The following KSR1 variants were observed in gnomAD, a reference collection of about 807,000 sequenced individuals.
The protein encoded by KSR1 is kinase suppressor of ras 1.
In KSR1, 35 loss-of-function variants were observed where a neutral mutation model predicts 92.9. That is an observed-to-expected ratio of 0.38 (90% CI 0.29 to 0.50). The LOEUF is 0.50. Ranked by LOEUF, KSR1 falls within the 20% of genes least tolerant of loss-of-function variation. The pLI, the probability that KSR1 is intolerant of heterozygous loss-of-function variation, is 0.94. For synonymous variants in KSR1, 467 were observed against 472.6 expected (o/e 0.99, Z 0.15); for missense variants, 972 against 1,158.5 (o/e 0.84, Z 2.34).
intron 1 of KSR1, among the ~76,000 whole-genome samples, chr17:27,532,215 C>T (rs1243800804): frequency 4.6e-5 from 7 of 152,224 alleles, no homozygotes; most frequent in African/African-American, 1.4e-4. Context: ...CACTGGTTGA[C>T]GTGGTCCTTA....
In KSR1 at chr17:27,554,733, C is replaced by A. The variant is rs531067585; in HGVS notation, c.372+4025C>A. On this transcript the variant is annotated intron_variant, in intron 2 of 20. Transcript: ENST00000644974. ...ATGATAAATGTAATGCACTTTAATC[C>A]TCTGGAAACCATCCCCCGCTCCCTG... is the stretch of plus-strand genomic sequence containing the variant. Among the ~76,000 whole-genome samples, 43 of 152,266 alleles carry A rather than the reference C, an allele frequency of 2.8e-4. No homozygotes were observed. In the South Asian group the frequency reaches 8.5e-3, roughly 30 times the overall value.
In KSR1 at chr17:27,592,423, G is replaced by A. The variant is rs749950611; in HGVS notation, c.1192+1G>A. ...GCCTGTAGAATATCCTTCCTGCCAC[G>A]TGAGTTTTCTGCCTTCCTCTCCTCT... On this transcript the variant is annotated splice_donor_variant, in intron 8 of 20. Transcript: ENST00000644974. LOFTEE classifies it high-confidence loss of function. The A allele has an allele frequency of 1.2e-6, 2 of 1,613,876 alleles. No homozygotes were observed. Among genetic ancestry groups the A allele is most frequent in the Non-Finnish European group, 8.5e-7 (1 of 1,179,782 alleles).
At chr17:27,584,752 C>A (rs1162206342) in intron 4 of KSR1, among the ~76,000 whole-genome samples, 1 of 152,166 alleles carries the variant, frequency 6.6e-6, no homozygotes, top group Non-Finnish European at 1.5e-5. Context: ...GCTCAGGCCA[C>A]CTCGCTGTTC....
At position 27,577,518 on chromosome 17, in the gene KSR1, T is replaced by C. The variant is rs1433251995; in HGVS notation, c.399T>C (p.Asp133=). Residue 133 remains aspartate, a synonymous_variant, in exon 3 of 21, where the codon GAT becomes GAC. Transcript: ENST00000644974. This position sits in a 1 kb window ranked among gnomAD's most constrained non-coding sequence, Gnocchi z 4.5. ...AGATCCCCCGAGACCTCACGCTGGA[T>C]GCCCTGCTGGAGATGAATGAGGCCA... ...VQEIPRDLTL[D]ALLEMNEAKV... 6.3e-7 allele frequency: 1 copy of C among 1,596,742 alleles called. No homozygotes were observed. Among genetic ancestry groups the C allele is most frequent in the South Asian group, 1.1e-5 (1 of 88,448 alleles).
At chr17:27,546,285 A>T (rs869671) in intron 1 of KSR1, among the ~76,000 whole-genome samples, 1 of 151,968 alleles carries the variant, frequency 6.6e-6, no homozygotes, top group African/African-American at 2.4e-5. Context: ...AATTATAGGG[A>T]GATCTAACCT....
intron 1 of KSR1, among the ~76,000 whole-genome samples, chr17:27,511,600 A>G (rs974031714): frequency 6.6e-6 from 1 of 152,158 alleles, no homozygotes; most frequent in Admixed American, 6.5e-5. Flanking sequence ...TGGGAGTGGG[A>G]TGCTTCTGGG....
In KSR1 at chr17:27,588,379, C is replaced by T. The variant is rs941405084; in HGVS notation, c.986-96C>T. 3.8e-6 allele frequency: 4 copies of T among 1,041,614 alleles called. No homozygotes were observed. In the South Asian group the frequency reaches 6.9e-5, roughly 18 times the overall value. 64.5% of individuals were successfully genotyped at this position (1,041,614 alleles called of 1,614,324 possible). ...TGCTTATATAATAAACCATTGCGCC[C>T]CCCTCTAGCCTGTGGTCTCTGAATT... On this transcript the variant is annotated intron_variant, in intron 5 of 20. Transcript: ENST00000644974.
intron 19 of KSR1, among the ~76,000 whole-genome samples, chr17:27,619,915 T>A (rs979673815): frequency 1.1e-4 from 17 of 152,212 alleles, no homozygotes; most frequent in Admixed American, 1.1e-3. Flanking sequence ...GGTTTCATCA[T>A]GTTGGCCAGG....
intron 1 of KSR1, among the ~76,000 whole-genome samples, chr17:27,544,862 T>C (rs2151075250): frequency 6.6e-6 from 1 of 152,384 alleles, no homozygotes; most frequent in Non-Finnish European, 1.5e-5. Flanking sequence ...CTTCTGTGAC[T>C]GCAACCAACT....
At chr17:27,612,068 A>G (rs531353382) in intron 18 of KSR1, among the ~76,000 whole-genome samples, 1 of 152,348 alleles carries the variant, frequency 6.6e-6, no homozygotes, top group South Asian at 2.1e-4. Flanking sequence ...CAAAGTTTCC[A>G]CAGCAAACTT....
Position 27,588,455 on chromosome 17 carries a change from T to C in KSR1, c.986-20T>C, listed in dbSNP as rs2073050508. ...CCTGCGGAGTTCCTCAGCCTGCCCA[T>C]CCGGCCTCTTTCCCTGCAGATCTCT... On this transcript the variant is annotated intron_variant, in intron 5 of 20. Coordinates refer to ENST00000644974, the MANE Select transcript of KSR1 (RefSeq NM_001394583.1). The C allele has an allele frequency of 1.3e-6, 2 of 1,562,912 alleles. No homozygotes were observed. The highest frequency in any genetic ancestry group is 1.7e-6 in the Non-Finnish European group (2 of 1,153,866).
intron 1 of KSR1, among the ~76,000 whole-genome samples, chr17:27,543,044 G>A (rs1255494101): frequency 2.6e-5 from 4 of 152,212 alleles, no homozygotes; most frequent in Admixed American, 6.5e-5. Flanking sequence ...AACAGGAGGC[G>A]TGGCTCATCT....
chr17:27,529,942 G>A (rs754816231), intron 1 of KSR1, among the ~76,000 whole-genome samples: 13 of 152,114 alleles, frequency 8.5e-5, no homozygotes, highest in Non-Finnish European at 1.3e-4. Flanking sequence ...TAGGAGATGG[G>A]TCATTCATTT....
intron 1 of KSR1, among the ~76,000 whole-genome samples, chr17:27,518,703 TC>T (rs2069898821): frequency 6.6e-6 from 1 of 151,910 alleles, no homozygotes; most frequent in East Asian, 1.9e-4. Context: ...TTGGCAGGAG[TC>T]GGGAAAGCTT....
intron 9 of KSR1, among the ~76,000 whole-genome samples, chr17:27,594,779 A>T (rs1164555651): frequency 6.6e-6 from 1 of 151,236 alleles, no homozygotes; most frequent in Non-Finnish European, 1.5e-5. Flanking sequence ...TTCAGCACAG[A>T]TGCTCCCTGA....
intron 3 of KSR1, among the ~76,000 whole-genome samples, chr17:27,580,972 G>A (rs1435681570): frequency 6.6e-6 from 1 of 152,072 alleles, no homozygotes; most frequent in Non-Finnish European, 1.5e-5. Flanking sequence ...TTGCCATGTT[G>A]GCCAGGTTGG....
intron 1 of KSR1, among the ~76,000 whole-genome samples, chr17:27,507,900 T>C (rs879832108): frequency 2.0e-5 from 3 of 152,210 alleles, no homozygotes; most frequent in Non-Finnish European, 4.4e-5. Flanking sequence ...ATATGGCTAC[T>C]AGAACATACC....
chr17:27,572,811 G>A (rs760529154), intron 2 of KSR1, among the ~76,000 whole-genome samples: 1 of 152,226 alleles, frequency 6.6e-6, no homozygotes, highest in Non-Finnish European at 1.5e-5. Context: ...GTGAGGTTTC[G>A]GGGGTGCTGA....
At chr17:27,620,955 T>TTCC (rs1199413641) in intron 19 of KSR1, 1 of 365,132 alleles carries the variant, frequency 2.7e-6, no homozygotes, top group Non-Finnish European at 4.9e-6. Flanking sequence ...GTGTCAAAGC[T>TTCC]TCCTGTTCAC....
Sources: allele counts gnomAD v4.1 joint callset (sites outside exome capture counted in the v4.1 genomes callset), GRCh38; gene constraint gnomAD v4.1.1; non-coding constraint Gnocchi (gnomAD v3.1); transcripts MANE v1.5; gene names NCBI Gene and HGNC (gene_info 2026-07-23, HGNC 2026-07-21).